Variants in NELL1 observed in about 807,000 individuals in gnomAD.
The protein encoded by NELL1 is neural EGFL like 1, also known as protein kinase C-binding protein NELL1.
In NELL1, 76 loss-of-function variants were observed where a neutral mutation model predicts 107.4. The ratio of observed to expected loss-of-function variants is 0.71; its 90% confidence interval spans 0.59 to 0.86. The LOEUF is 0.86. Ranked by LOEUF, NELL1 falls within the 40% of genes least tolerant of loss-of-function variation. The probability of loss-of-function intolerance (pLI) is 0.00; values close to 1 mark genes in which losing one functional copy is unlikely to be tolerated. For synonymous variants in NELL1, 353 were observed against 341.2 expected (o/e 1.03, Z -0.38); for missense variants, 1,024 against 1,005.5 (o/e 1.02, Z -0.25).
At chr11:21,311,496 A>G (rs777098677) in intron 14 of NELL1, among the ~76,000 whole-genome samples, 14 of 152,214 alleles carry the variant, frequency 9.2e-5, no homozygotes, top group Non-Finnish European at 1.8e-4. Flanking sequence ...CATAATTTTT[A>G]TCTCTTTTTA....
chr11:20,912,951 A>G (rs999320901), intron 5 of NELL1, among the ~76,000 whole-genome samples: 15 of 152,184 alleles, frequency 9.9e-5, no homozygotes, highest in Non-Finnish European at 1.5e-4. Context: ...CTGTGCATTA[A>G]GACTTTGGAA....
At chr11:20,931,255 C>T (rs1021744443) in intron 9 of NELL1, among the ~76,000 whole-genome samples, 5 of 152,026 alleles carry the variant, frequency 3.3e-5, no homozygotes, top group East Asian at 1.9e-4. Context: ...GGATGCTTCC[C>T]GGAGGACATG....
chr11:21,491,096 C>A (rs1854795033), intron 15 of NELL1, among the ~76,000 whole-genome samples: 1 of 151,972 alleles, frequency 6.6e-6, no homozygotes, highest in South Asian at 2.1e-4. Flanking sequence ...AACAACTCAA[C>A]AATAATATAA....
chr11:21,347,856 G>T (rs1326662923), intron 14 of NELL1, among the ~76,000 whole-genome samples: 1 of 152,128 alleles, frequency 6.6e-6, no homozygotes, highest in African/African-American at 2.4e-5. Context: ...GCCTTATATT[G>T]GCATTGGTAG....
At chr11:21,532,373 C>T (rs757293347) in intron 15 of NELL1, among the ~76,000 whole-genome samples, 3 of 152,194 alleles carry the variant, frequency 2.0e-5, no homozygotes, top group Non-Finnish European at 4.4e-5. Context: ...ATTTGCACAT[C>T]ATTCAACACT....
At chr11:21,336,176 A>G (rs1342117059) in intron 14 of NELL1, among the ~76,000 whole-genome samples, 3 of 152,012 alleles carry the variant, frequency 2.0e-5, no homozygotes, top group Admixed American at 1.3e-4. Flanking sequence ...TAGACATTAA[A>G]CTAGAACCTT....
In NELL1 at chr11:20,846,572, T is replaced by A. The variant is rs369040809; in HGVS notation, c.336-1011T>A. Among the ~76,000 whole-genome samples the A allele has an allele frequency of 2.0e-5, 3 of 152,332 alleles. No homozygotes were observed. In the South Asian group the frequency reaches 6.2e-4, roughly 32 times the overall value. On this transcript the variant is annotated intron_variant, in intron 3 of 19. Transcript: ENST00000357134. ...GGCTATCCTCACCACTTTGTCATCA[T>A]GCCTCTGGGATGGGCAACAAACTGG... is the stretch of plus-strand genomic sequence containing the variant.
At chr11:21,526,426 T>C (rs1332367272) in intron 15 of NELL1, among the ~76,000 whole-genome samples, 2 of 152,216 alleles carry the variant, frequency 1.3e-5, no homozygotes, top group Non-Finnish European at 2.9e-5. Flanking sequence ...TGTCAGTGGA[T>C]CTACCATTCT....
At chr11:21,097,216 A>G (rs1854665292) in intron 12 of NELL1, among the ~76,000 whole-genome samples, 1 of 152,154 alleles carries the variant, frequency 6.6e-6, no homozygotes. Context: ...GCTGACTGTC[A>G]GATTTACCCT....
intron 14 of NELL1, among the ~76,000 whole-genome samples, chr11:21,299,464 T>C (rs11820583): frequency 0.18 from 27,313 of 151,332 alleles, 3,071 homozygotes; most frequent in South Asian, 0.37. Flanking sequence ...TGATTAGATA[T>C]TGCCTGTGTC....
At chr11:20,673,492 G>A (rs1281780277) in intron 1 of NELL1, among the ~76,000 whole-genome samples, 1 of 152,198 alleles carries the variant, frequency 6.6e-6, no homozygotes, top group Non-Finnish European at 1.5e-5. Context: ...GACCCAGGAG[G>A]ATTTGCTGGA....
At chr11:21,312,320 G>A (rs79608234) in intron 14 of NELL1, among the ~76,000 whole-genome samples, 3 of 148,758 alleles carry the variant, frequency 2.0e-5, no homozygotes, top group Admixed American at 6.9e-5. Flanking sequence ...CTATTCCAGT[G>A]TATGATGGCT....
At chr11:21,416,013 C>T (rs1852510200) in intron 15 of NELL1, among the ~76,000 whole-genome samples, 1 of 152,044 alleles carries the variant, frequency 6.6e-6, no homozygotes, top group Non-Finnish European at 1.5e-5. Flanking sequence ...AATGATGTCT[C>T]TTGCGACAAT....
intron 9 of NELL1, among the ~76,000 whole-genome samples, chr11:20,932,121 G>A (rs1590431074): frequency 6.6e-6 from 1 of 152,074 alleles, no homozygotes; most frequent in Non-Finnish European, 1.5e-5. Flanking sequence ...CTTGTTGGGT[G>A]TCTGCACTAT....
intron 12 of NELL1, among the ~76,000 whole-genome samples, chr11:20,982,865 G>C (rs1242403044): frequency 6.6e-6 from 1 of 152,174 alleles, no homozygotes; most frequent in Admixed American, 6.6e-5. Context: ...CTACTTGAAT[G>C]ATTTCTATGG....
intron 5 of NELL1, among the ~76,000 whole-genome samples, chr11:20,908,551 G>T (rs568183535): frequency 6.6e-6 from 1 of 152,202 alleles, no homozygotes; most frequent in South Asian, 2.1e-4. Flanking sequence ...ACTGGGGCCT[G>T]TTGCGGGATG....
intron 13 of NELL1, among the ~76,000 whole-genome samples, chr11:21,171,790 G>A (rs1856612303): frequency 6.6e-6 from 1 of 151,778 alleles, no homozygotes; most frequent in African/African-American, 2.4e-5. Flanking sequence ...GCTGCAGGGT[G>A]TGAATTTGGG....
At chr11:21,529,026 T>G (rs951346646) in intron 15 of NELL1, among the ~76,000 whole-genome samples, 1 of 152,076 alleles carries the variant, frequency 6.6e-6, no homozygotes, top group African/African-American at 2.4e-5. Flanking sequence ...AATTAGGAAA[T>G]GCTGGCTAGC....
chr11:21,293,397 G>A (rs1849312704), intron 14 of NELL1, among the ~76,000 whole-genome samples: 1 of 152,170 alleles, frequency 6.6e-6, no homozygotes, highest in African/African-American at 2.4e-5. Context: ...TCTCATGCCA[G>A]TTACAATGAC....
Sources: gnomAD v4.1 joint callset for allele counts (sites outside exome capture counted in the v4.1 genomes callset) on GRCh38, gnomAD v4.1.1 for gene constraint, MANE v1.5 for transcripts, NCBI Gene and HGNC (gene_info 2026-07-23, HGNC 2026-07-21) for gene names.